Variants in BAIAP2L1 observed in about 807,000 individuals in gnomAD.
BAIAP2L1 encodes BAR/IMD domain containing adaptor protein 2 like 1, also known as BAR/IMD domain-containing adapter protein 2-like 1.
BAIAP2L1 carries 35 observed loss-of-function variants against 66.3 expected under a neutral mutation model. That is an observed-to-expected ratio of 0.53 (90% CI 0.40 to 0.70). The LOEUF (loss-of-function observed/expected upper bound fraction) is 0.70. BAIAP2L1 is among the 30% of genes least tolerant of loss of function. BAIAP2L1 has a pLI of 0.00. For missense variants in BAIAP2L1, 622 were observed against 656.9 expected (o/e 0.95, Z 0.58); for synonymous variants, 269 against 248.7 (o/e 1.08, Z -0.77).
chr7:98,363,436 T>C (rs778920064), intron 1 of BAIAP2L1, among the ~76,000 whole-genome samples: 28 of 152,258 alleles, frequency 1.8e-4, no homozygotes, highest in Admixed American at 2.6e-4. Flanking sequence ...GAAGGCACAG[T>C]TTCCCTCTCA....
chr7:98,350,015 G>A (rs1422947107), intron 3 of BAIAP2L1, among the ~76,000 whole-genome samples: 1 of 152,038 alleles, frequency 6.6e-6, no homozygotes, highest in East Asian at 1.9e-4. Flanking sequence ...TACAAGGGAG[G>A]CTGAGGTAGG....
chr7:98,320,375 G>C (rs1025458702), intron 3 of BAIAP2L1, 77 bp from the exon 4 acceptor site: 13 of 1,171,570 alleles, frequency 1.1e-5, no homozygotes, highest in Admixed American at 2.2e-5. Flanking sequence ...TTGCTCTGTC[G>C]CCCAGGCTGG....
rs1803101345 is a variant in BAIAP2L1 at position 98,393,129 on chromosome 7, A to ACACACATATGTGTACATATATATG, written c.51+7672_51+7673insCATATATATGTACACATATGTGTG. Among the ~76,000 whole-genome samples, 5 of 74,738 alleles carry ACACACATATGTGTACATATATATG rather than the reference A, an allele frequency of 6.7e-5. 1 individual carries two copies. In the South Asian group the frequency reaches 2.2e-3, roughly 33 times the overall value. 49.0% of individuals were successfully genotyped at this position (74,738 alleles called of 152,430 possible). A position where few individuals can be genotyped will look rare whatever the true frequency, so the allele number is the denominator to read the frequency against. ...CATATATGTACACATATATGTATAT[A>ACACACATATGTGTACATATATATG]TACACACATATGTGTACATATATAT... On this transcript the variant is annotated intron_variant, in intron 1 of 13. Coordinates refer to ENST00000005260, the MANE Select transcript of BAIAP2L1 (RefSeq NM_018842.5).
intron 11 of BAIAP2L1, among the ~76,000 whole-genome samples, chr7:98,305,143 G>A (rs1419891075): frequency 1.4e-5 from 2 of 141,882 alleles, no homozygotes; most frequent in East Asian, 2.1e-4. Context: ...TGCCCGCCTC[G>A]GCCTCCCAAA....
chr7:98,373,480 G>A (rs556005404), intron 1 of BAIAP2L1, among the ~76,000 whole-genome samples: 24 of 152,280 alleles, frequency 1.6e-4, no homozygotes, highest in African/African-American at 5.3e-4. Context: ...CAATAGCAAT[G>A]GGCCTGGAAG....
intron 5 of BAIAP2L1, among the ~76,000 whole-genome samples, chr7:98,318,703 A>G (rs576971850): frequency 1.7e-4 from 25 of 151,048 alleles, no homozygotes; most frequent in African/African-American, 6.1e-4. Context: ...CCAGCACTTT[A>G]GGAGGCCGAG....
intron 2 of BAIAP2L1, among the ~76,000 whole-genome samples, chr7:98,357,020 A>AAAAAATAT (rs1554337328): frequency 1.4e-4 from 4 of 28,100 alleles, no homozygotes; most frequent in African/African-American, 9.3e-4. Flanking sequence ...AAAAAAAAAA[A>AAAAAATAT]ATATATATAT....
Position 98,292,878 on chromosome 7 carries a change from A to C in BAIAP2L1, c.*643T>G. The stretch of plus-strand genomic sequence containing the variant: ...TACCAAGAAAAGGAGCTCTCGGAGG[A>C]GATTTCGTCGAGTGCTACGTGTGGC... On this transcript the variant is annotated 3_prime_UTR_variant, in exon 14 of 14. Coordinates refer to ENST00000005260, the MANE Select transcript of BAIAP2L1 (RefSeq NM_018842.5). 1 of 1,441,356 alleles carries C rather than the reference A, an allele frequency of 6.9e-7. No homozygotes were observed. Among genetic ancestry groups the C allele is most frequent in the Non-Finnish European group, 9.1e-7 (1 of 1,099,004 alleles). 89.3% of individuals were successfully genotyped at this position (1,441,356 alleles called of 1,614,324 possible).
At chr7:98,321,982 G>A (rs1430309632) in intron 3 of BAIAP2L1, among the ~76,000 whole-genome samples, 1 of 152,156 alleles carries the variant, frequency 6.6e-6, no homozygotes, top group Non-Finnish European at 1.5e-5. Context: ...TGTAATCCCA[G>A]CTACTTGGGA....
chr7:98,309,283 C>G (rs1291786824), intron 9 of BAIAP2L1: 1 of 152,114 alleles, frequency 6.6e-6, no homozygotes, highest in African/African-American at 2.4e-5. Flanking sequence ...GCCTCCTGAA[C>G]AGCTGGAATT....
chr7:98,318,880 G>A (rs1801158950), intron 5 of BAIAP2L1, among the ~76,000 whole-genome samples: 1 of 148,936 alleles, frequency 6.7e-6, no homozygotes, highest in African/African-American at 2.5e-5. Flanking sequence ...GGAGGCGGAG[G>A]TTGCAGTGAG....
chr7:98,313,967 T>G (rs2116883410), intron 7 of BAIAP2L1, among the ~76,000 whole-genome samples: 1 of 146,174 alleles, frequency 6.8e-6, no homozygotes, highest in Non-Finnish European at 1.5e-5. Flanking sequence ...GGGAGCTGAA[T>G]ACTCCTTTTT....
intron 12 of BAIAP2L1, among the ~76,000 whole-genome samples, chr7:98,295,469 T>G (rs1800152442): frequency 6.6e-6 from 1 of 152,216 alleles, no homozygotes; most frequent in Non-Finnish European, 1.5e-5. Context: ...GAGGAAGTCC[T>G]TGCTGGTGTG....
chr7:98,334,424 GTTT>G lies in BAIAP2L1; in HGVS notation c.215-14129_215-14127del, dbSNP rs563728880. On this transcript the variant is annotated intron_variant, in intron 3 of 13. Transcript: ENST00000005260. The stretch of plus-strand genomic sequence containing the variant: ...ACTCATACTTCTAAAATATTAGTCA[GTTT>G]TTTTTTAATAACTCAAAACCTTTTA... Among the ~76,000 whole-genome samples, 182 of 151,522 alleles carry G rather than the reference GTTT, an allele frequency of 1.2e-3. 1 individual carries two copies. The highest frequency in any genetic ancestry group is 4.1e-3 in the African/African-American group (170 of 41,312).
At chr7:98,378,935 T>C (rs913517984) in intron 1 of BAIAP2L1, among the ~76,000 whole-genome samples, 1 of 152,076 alleles carries the variant, frequency 6.6e-6, no homozygotes. Context: ...GTTCAAGCAA[T>C]TCTGCTGCCT....
chr7:98,309,125 T>TAC (rs1183873072), intron 9 of BAIAP2L1: 1 of 152,042 alleles, frequency 6.6e-6, no homozygotes, highest in East Asian at 1.9e-4. Flanking sequence ...TGCCACTCTC[T>TAC]ACTTCGCTGG....
chr7:98,304,200 G>C lies in BAIAP2L1; in HGVS notation c.1418C>G (p.Ala473Gly). 6.3e-7 allele frequency: 1 copy of C among 1,588,890 alleles called. No individual in the cohort carries two copies. Among genetic ancestry groups the C allele is most frequent in the Non-Finnish European group, 8.6e-7 (1 of 1,167,072 alleles). ...CCCTGCTGCGGCTTTACTCACAGGA[G>C]CCGCGGTCTCGGGCTTGGACGCTGG... ...KAPASKPETAAPNDANGTAKP... is the reference protein window; with the variant it reads ...KAPASKPETAGPNDANGTAKP... Residue 473 changes from alanine (A) to glycine (G), a missense_variant, in exon 12 of 14, where the codon GCT becomes GGT. Ala to Gly is a moderately conservative substitution (Grantham distance 60). Coordinates refer to ENST00000005260, the MANE Select transcript of BAIAP2L1 (RefSeq NM_018842.5).
intron 7 of BAIAP2L1, 68 bp downstream of exon 7, chr7:98,315,392 C>A: frequency 7.7e-7 from 1 of 1,304,604 alleles, no homozygotes; most frequent in Non-Finnish European, 9.9e-7. Context: ...CACGGCCCAG[C>A]CTTCTGGGGC....
At chr7:98,327,086 C>T (rs546722481) in intron 3 of BAIAP2L1, among the ~76,000 whole-genome samples, 2 of 152,258 alleles carry the variant, frequency 1.3e-5, no homozygotes, top group Admixed American at 1.3e-4. Flanking sequence ...CCCGGCCAGG[C>T]GCGGTGGCTC....
Sources: allele counts gnomAD v4.1 joint callset (sites outside exome capture counted in the v4.1 genomes callset), GRCh38; gene constraint gnomAD v4.1.1; transcripts MANE v1.5; gene names NCBI Gene and HGNC (gene_info 2026-07-23, HGNC 2026-07-21).